ZFHX3: variants seen among roughly 807,000 people sequenced by gnomAD.
ZFHX3 encodes zinc finger homeobox 3.
A neutral mutation model predicts 279.1 loss-of-function variants in ZFHX3; 42 were observed. The ratio of observed to expected loss-of-function variants is 0.15; its 90% CI spans 0.12 to 0.19. The LOEUF (loss-of-function observed/expected upper bound fraction) is 0.19, where lower values mean the gene tolerates loss of function less well. Among genes scored for constraint, ZFHX3 ranks in the 10% least tolerant of loss-of-function variants. ZFHX3 has a pLI of 1.00. For missense variants in ZFHX3, 4,981 were observed against 4,754.0 expected (o/e 1.05, Z -1.40); for synonymous variants, 2,293 against 1,957.8 (o/e 1.17, Z -4.52).
intron 1 of ZFHX3, among the ~76,000 whole-genome samples, chr16:73,786,770 CT>C (rs1959662937): frequency 6.6e-6 from 1 of 152,112 alleles, no homozygotes; most frequent in Non-Finnish European, 1.5e-5. Context: ...GAGGTCTTTG[CT>C]TAGAAGAACA....
Position 72,796,179 on chromosome 16 carries a change from T to C in ZFHX3, c.6503A>G (p.Asn2168Ser). 6.2e-7 allele frequency: 1 copy of C among 1,613,556 alleles called. No homozygotes were observed. The highest frequency in any genetic ancestry group is 8.5e-7 in the Non-Finnish European group (1 of 1,179,914). The change falls in exon 9 of 10, where the codon AAC (asparagine) becomes AGC (serine). Residue 2168 changes from asparagine (N) to serine (S), a missense_variant. By Grantham distance (46) the Asn-to-Ser change is conservative. Transcript: ENST00000268489. Reference protein sequence around the residue: ...RVLRQYFDINNSPSEEQIKEM... With the variant: ...RVLRQYFDINSSPSEEQIKEM... ...TTTTATTTGCTCTTCACTGGGGGAG[T>C]TGTTAATGTCAAAATATTGCCGCAA... is the stretch of plus-strand genomic sequence containing the variant.
Position 73,832,368 on chromosome 16 carries a change from G to C in ZFHX3, c.-1608+59283C>G, listed in dbSNP as rs778114960. ...TTGGACATAAGCCCCTATGTTTACT[G>C]TATAAGGAATGGTCACCTAGTAGCT... is the stretch of plus-strand genomic sequence containing the variant. On this transcript the variant is annotated intron_variant, in intron 1 of 17. Coordinates refer to the ZFHX3 transcript ENST00000641206. 5.3e-5 allele frequency among the ~76,000 whole-genome samples: 8 copies of C among 152,156 alleles called. No homozygotes were observed. The South Asian group carries it at 1.7e-3, about 32-fold the overall frequency.
intron 2 of ZFHX3, among the ~76,000 whole-genome samples, chr16:73,601,410 C>T (rs1189796831): frequency 2.0e-5 from 3 of 149,458 alleles, no homozygotes; most frequent in Admixed American, 6.7e-5. Flanking sequence ...GTGGAGGTTG[C>T]AGTGAGCCGA....
chr16:72,949,532 A>C (rs1960870841), intron 3 of ZFHX3, among the ~76,000 whole-genome samples: 1 of 152,106 alleles, frequency 6.6e-6, no homozygotes, highest in African/African-American at 2.4e-5. Context: ...TGAAAGGACT[A>C]TTTACAGTAT....
At chr16:72,869,480 G>T (rs572754729) in intron 4 of ZFHX3, among the ~76,000 whole-genome samples, 1 of 152,248 alleles carries the variant, frequency 6.6e-6, no homozygotes, top group East Asian at 1.9e-4. Context: ...TCTGTCCAAG[G>T]TAACACATGA....
At chr16:72,858,394 C>T (rs976316042) in intron 4 of ZFHX3, among the ~76,000 whole-genome samples, 2 of 152,284 alleles carry the variant, frequency 1.3e-5, no homozygotes, top group Middle Eastern at 6.8e-3. Flanking sequence ...CTTTTTGTAA[C>T]CCCCTTAAAC....
intron 1 of ZFHX3, among the ~76,000 whole-genome samples, chr16:73,043,310 G>T (rs1018788476): frequency 3.3e-5 from 5 of 152,170 alleles, no homozygotes; most frequent in Middle Eastern, 3.2e-3. Context: ...ACAGGGAGAG[G>T]GGGTCACCCA....
chr16:73,598,410 C>T (rs375351892), intron 2 of ZFHX3, among the ~76,000 whole-genome samples: 1 of 151,488 alleles, frequency 6.6e-6, no homozygotes, highest in Admixed American at 6.6e-5. Flanking sequence ...TACTAGAATA[C>T]CATTCTTTTT....
intron 7 of ZFHX3, chr16:73,127,495 G>C: frequency 1.5e-6 from 2 of 1,305,474 alleles, no homozygotes; most frequent in South Asian, 1.2e-5. Flanking sequence ...ACTGGTCCCT[G>C]GTGATGGATG....
At position 72,785,570 on chromosome 16, in the gene ZFHX3, C is replaced by A. The variant is rs1057106876; in HGVS notation, c.*1594G>T. 6.6e-6 allele frequency: 1 copy of A among 152,492 alleles called. No individual in the cohort carries two copies. Among genetic ancestry groups the A allele is most frequent in the African/African-American group, 2.4e-5 (1 of 41,386 alleles). The allele number at this position is 152,492 out of a possible 1,614,324, so 9.4% of individuals were successfully genotyped here. ...AAACAAATTCTCAAGTAACAAGAAC[C>A]CTTTCCCTTTTTTCTGCATCAGCAG... On this transcript the variant is annotated 3_prime_UTR_variant, in exon 10 of 10. Transcript: ENST00000268489.
At chr16:73,788,831 G>C (rs1245043105) in intron 1 of ZFHX3, among the ~76,000 whole-genome samples, 1 of 151,482 alleles carries the variant, frequency 6.6e-6, no homozygotes, top group Non-Finnish European at 1.5e-5. Context: ...AAAATTAGCT[G>C]GGTGTGCCGG....
At position 72,852,787 on chromosome 16, in the gene ZFHX3, C is replaced by G. The variant is rs535258871; in HGVS notation, c.3449-22928G>C. On this transcript the variant is annotated intron_variant, in intron 4 of 9. Transcript: ENST00000268489. Reference sequence around the variant, plus strand: ...GATAACCTAACCAGACAGAACGCTCCCCATGGTAGTTTTCTCCTCCAAAGA... The same window carrying G: ...GATAACCTAACCAGACAGAACGCTCGCCATGGTAGTTTTCTCCTCCAAAGA... Among the ~76,000 whole-genome samples, 18 of 152,262 alleles carry G rather than the reference C, an allele frequency of 1.2e-4. 1 individual carries two copies. The East Asian group carries it at 3.5e-3, about 29-fold the overall frequency.
intron 3 of ZFHX3, among the ~76,000 whole-genome samples, chr16:73,335,693 C>T (rs2015899252): frequency 6.6e-6 from 1 of 152,154 alleles, no homozygotes; most frequent in Non-Finnish European, 1.5e-5. Flanking sequence ...CTCCCAATAA[C>T]TAGATTCAAC....
intron 2 of ZFHX3, among the ~76,000 whole-genome samples, chr16:73,660,241 T>A (rs1219176961): frequency 1.3e-5 from 2 of 152,180 alleles, no homozygotes; most frequent in Non-Finnish European, 2.9e-5. Flanking sequence ...AGGATCACAG[T>A]CAAACGTGTG....
chr16:73,765,493 C>T (rs1294008783), intron 1 of ZFHX3, among the ~76,000 whole-genome samples: 1 of 152,188 alleles, frequency 6.6e-6, no homozygotes, highest in Non-Finnish European at 1.5e-5. Context: ...AATTGTGAGG[C>T]TAGTTAAGGC....
intron 4 of ZFHX3, among the ~76,000 whole-genome samples, chr16:72,845,593 C>G (rs1373516633): frequency 1.3e-5 from 2 of 152,200 alleles, no homozygotes; most frequent in South Asian, 2.1e-4. Context: ...GCCCCAGGAG[C>G]CTGTGTTCTG....
chr16:73,628,269 G>A (rs1255132431), intron 2 of ZFHX3, among the ~76,000 whole-genome samples: 4 of 152,122 alleles, frequency 2.6e-5, no homozygotes, highest in African/African-American at 7.2e-5. Context: ...CCCCTCAAAT[G>A]TTTCTTTTCA....
At chr16:73,244,938 G>A (rs2013234323) in intron 5 of ZFHX3, among the ~76,000 whole-genome samples, 2 of 152,286 alleles carry the variant, frequency 1.3e-5, no homozygotes, top group African/African-American at 4.8e-5. Flanking sequence ...GGGAGATTTG[G>A]AGCAGAAGTG....
In ZFHX3 at chr16:73,807,620, A is replaced by ATTTTTTTTTTTT. The variant is rs55806545; in HGVS notation, c.-1608+84019_-1608+84030dup. On this transcript the variant is annotated intron_variant, in intron 1 of 17. Coordinates refer to the ZFHX3 transcript ENST00000641206. Reference sequence around the variant, plus strand: ...TACAGGCACATTCCACCATGCCCCAATTTTTTTTTTTTTTTTTTTTTTTTT... The same window carrying ATTTTTTTTTTTT: ...TACAGGCACATTCCACCATGCCCCAATTTTTTTTTTTTTTTTTTTTTTTTTTTTTTTTTTTTT... Among the ~76,000 whole-genome samples, 74 of 70,576 alleles carry ATTTTTTTTTTTT rather than the reference A, an allele frequency of 1.0e-3. 4 individuals carry two copies. Among genetic ancestry groups the ATTTTTTTTTTTT allele is most frequent in the African/African-American group, 3.9e-3 (72 of 18,270 alleles). The allele number at this position is 70,576 out of a possible 152,430, so 46.3% of individuals were successfully genotyped here. A position where few individuals can be genotyped will look rare whatever the true frequency, so the allele number is the denominator to read the frequency against.
Sources: gnomAD v4.1 joint callset for allele counts (sites outside exome capture counted in the v4.1 genomes callset) on GRCh38, gnomAD v4.1.1 for gene constraint, MANE v1.5 for transcripts, NCBI Gene and HGNC (gene_info 2026-07-23, HGNC 2026-07-21) for gene names.